Variants in DYNLL2 observed in about 807,000 individuals in gnomAD.
The protein encoded by DYNLL2 is dynein light chain 2, cytoplasmic.
In DYNLL2, 1 loss-of-function variant was observed where a neutral mutation model predicts 9.7. That is an observed-to-expected ratio of 0.10 (90% CI 0.04 to 0.49). DYNLL2 has a LOEUF of 0.49. Ranked by LOEUF, DYNLL2 falls within the 20% of genes least tolerant of loss-of-function variation. DYNLL2 has a pLI of 0.95. For synonymous variants in DYNLL2, 35 were observed against 40.5 expected, an observed-to-expected ratio of 0.86 and a Z score of 0.52; for missense variants, 37 against 115.2, an observed-to-expected ratio of 0.32 and a Z score of 3.11.
At chr17:58,085,699 C>A (rs1017072742) in intron 1 of DYNLL2, among the ~76,000 whole-genome samples, 1 of 152,166 alleles carries the variant, frequency 6.6e-6, no homozygotes, top group Non-Finnish European at 1.5e-5. Context: ...GTTGCTATGG[C>A]ATGAATGGCA....
At position 58,093,190 on chromosome 17, in the gene DYNLL2, C is replaced by T. The variant is rs2075786529; in HGVS notation, c.*3911C>T. 2 of 152,196 alleles carry T rather than the reference C, an allele frequency of 1.3e-5. No homozygotes were observed. Among genetic ancestry groups the T allele is most frequent in the Non-Finnish European group, 2.9e-5 (2 of 68,036 alleles). The allele number at this position is 152,196 out of a possible 1,614,324, so 9.4% of individuals were successfully genotyped here. A position where few individuals can be genotyped will look rare whatever the true frequency, so the allele number is the denominator to read the frequency against. On this transcript the variant is annotated 3_prime_UTR_variant, in exon 3 of 3. Transcript: ENST00000579991. ...GCAAGCCTGGACAGGCCTGGTGCCC[C>T]AGGGCAGCCTTGCCTTTTCTGAAGA...
At chr17:58,089,085 T>G in intron 2 of DYNLL2, 57 bp from the exon 3 acceptor site, 1 of 1,605,526 alleles carries the variant, frequency 6.2e-7, no homozygotes, top group South Asian at 1.1e-5. Context: ...CCCATTCTGA[T>G]TTCTCCTTCT....
intron 1 of DYNLL2, among the ~76,000 whole-genome samples, 158 bp downstream of exon 1, chr17:58,083,841 C>T (rs1948743844): frequency 1.3e-5 from 2 of 151,608 alleles, no homozygotes; most frequent in African/African-American, 4.8e-5. Flanking sequence ...GTTGACGGTC[C>T]GGGCAGCGCA....
intron 1 of DYNLL2, among the ~76,000 whole-genome samples, chr17:58,085,427 C>T (rs1243485076): frequency 1.3e-5 from 2 of 152,190 alleles, no homozygotes; most frequent in South Asian, 2.1e-4. Context: ...CTTGAGCAGG[C>T]AGCCTCCTGT....
Position 58,083,553 on chromosome 17 carries a change from G to T in DYNLL2, c.-140G>T. 1 of 153,650 alleles carries T rather than the reference G, an allele frequency of 6.5e-6. No individual in the cohort carries two copies. Among genetic ancestry groups the T allele is most frequent in the South Asian group, 1.8e-4 (1 of 5,672 alleles). The allele number at this position is 153,650 out of a possible 1,614,324, so 9.5% of individuals were successfully genotyped here. ...CAGGGAGCGATCGGCCTCGGGCTGCGGGAGCCGGAGACCGCGGCGGCGGCG... is the reference window on the plus strand; with the variant it reads ...CAGGGAGCGATCGGCCTCGGGCTGCTGGAGCCGGAGACCGCGGCGGCGGCG... On this transcript the variant is annotated 5_prime_UTR_variant, in exon 1 of 3. Transcript: ENST00000579991.
intron 1 of DYNLL2, 44 bp from the exon 2 acceptor site, chr17:58,087,038 C>G: frequency 6.2e-7 from 1 of 1,605,514 alleles, no homozygotes; most frequent in Non-Finnish European, 8.5e-7. Flanking sequence ...GTTCACTGCC[C>G]AGAGCAAGGA....
intron 2 of DYNLL2, among the ~76,000 whole-genome samples, chr17:58,088,201 T>C (rs1427097147): frequency 3.9e-5 from 6 of 152,220 alleles, no homozygotes; most frequent in Admixed American, 1.3e-4. Context: ...CTGCGCTCTT[T>C]TTTTGCTGAT....
chr17:58,084,013 CG>C (rs1009253364), intron 1 of DYNLL2, among the ~76,000 whole-genome samples: 15 of 152,008 alleles, frequency 9.9e-5, no homozygotes, highest in African/African-American at 3.4e-4. Context: ...TGTCAGGGGC[CG>C]GGGAAGAGGG....
intron 1 of DYNLL2, among the ~76,000 whole-genome samples, chr17:58,084,863 C>T (rs1222306672): frequency 6.7e-6 from 1 of 148,408 alleles, no homozygotes; most frequent in African/African-American, 2.5e-5. Flanking sequence ...TGAGTGGTAA[C>T]CTGGAATAGG....
At chr17:58,086,995 T>A in intron 1 of DYNLL2, 87 bp from the exon 2 acceptor site, 3 of 1,528,938 alleles carry the variant, frequency 2.0e-6, no homozygotes. Context: ...TATACTCCCC[T>A]CTTGCACTGA....
intron 1 of DYNLL2, among the ~76,000 whole-genome samples, chr17:58,085,645 C>T (rs2075757336): frequency 6.6e-6 from 1 of 152,192 alleles, no homozygotes. Flanking sequence ...TGAGATTCCG[C>T]TCGTCCCAAG....
At chr17:58,087,329 G>T in intron 2 of DYNLL2, 107 bp downstream of exon 2, 1 of 1,476,332 alleles carries the variant, frequency 6.8e-7, no homozygotes. Flanking sequence ...TATATCCTGT[G>T]CAAGCAAAAC....
At chr17:58,088,194 C>A (rs538664070) in intron 2 of DYNLL2, among the ~76,000 whole-genome samples, 1 of 152,178 alleles carries the variant, frequency 6.6e-6, no homozygotes, top group Non-Finnish European at 1.5e-5. Context: ...TTCTGGTCTG[C>A]GCTCTTTTTT....
rs1168131360 is a variant in DYNLL2, at chr17:58,094,179, C to G, written c.*4900C>G. On this transcript the variant is annotated 3_prime_UTR_variant, in exon 3 of 3. Transcript: ENST00000579991. ...GATCTAGAATCAGAAGACCTGGAGT[C>G]GAATCTCAGCTCCAACACCCACTGG... The G allele has an allele frequency of 3.3e-5, 5 of 152,106 alleles. No individual in the cohort carries two copies. Among genetic ancestry groups the G allele is most frequent in the African/African-American group, 1.2e-4 (5 of 41,416 alleles). 9.4% of individuals were successfully genotyped at this position (152,106 alleles called of 1,614,324 possible).
chr17:58,088,518 G>A (rs1248092025), intron 2 of DYNLL2, among the ~76,000 whole-genome samples: 3 of 152,180 alleles, frequency 2.0e-5, no homozygotes, highest in African/African-American at 4.8e-5. Context: ...GATTTCCTGT[G>A]GTTTTGATGC....
At chr17:58,086,959 C>G (rs1033877321) in intron 1 of DYNLL2, 123 bp from the exon 2 acceptor site, 2 of 1,177,420 alleles carry the variant, frequency 1.7e-6, no homozygotes, top group African/African-American at 3.0e-5. Flanking sequence ...TGCTTCACAT[C>G]CGTGTTTTCT....
Position 58,083,462 on chromosome 17 carries a change from G to GGCGGA in DYNLL2, c.-227_-226insAGCGG, listed in dbSNP as rs2075742696. 1 of 128,686 alleles carries GGCGGA rather than the reference G, an allele frequency of 7.8e-6. No individual in the cohort carries two copies. The highest frequency in any genetic ancestry group is 7.4e-5 in the Admixed American group (1 of 13,604). The allele number at this position is 128,686 out of a possible 1,614,324, so 8.0% of individuals were successfully genotyped here. ...AGCTGTGAGGCGCCAGTGCGGAGCG[G>GGCGGA]GCGGGCGGGCGGGCGGCGTGAGGCG... On this transcript the variant is annotated 5_prime_UTR_variant, in exon 1 of 3. Coordinates refer to ENST00000579991, the MANE Select transcript of DYNLL2 (RefSeq NM_080677.3).
At chr17:58,084,637 A>G (rs748016143) in intron 1 of DYNLL2, among the ~76,000 whole-genome samples, 3 of 152,202 alleles carry the variant, frequency 2.0e-5, no homozygotes, top group Non-Finnish European at 4.4e-5. Flanking sequence ...CTGGGGGGCC[A>G]TTGTAGTCGT....
chr17:58,086,112 G>A (rs1008583934), intron 1 of DYNLL2, among the ~76,000 whole-genome samples: 3 of 152,194 alleles, frequency 2.0e-5, no homozygotes, highest in Non-Finnish European at 4.4e-5. Context: ...AGCCAAGTCT[G>A]AGGTTGCCTT....
Sources: allele counts gnomAD v4.1 joint callset (sites outside exome capture counted in the v4.1 genomes callset), GRCh38; gene constraint gnomAD v4.1.1; transcripts MANE v1.5; gene names NCBI Gene and HGNC (gene_info 2026-07-23, HGNC 2026-07-21).